Variants in SORCS2 observed in about 807,000 individuals in gnomAD.
SORCS2 encodes sortilin related VPS10 domain containing receptor 2, also known as VPS10 domain-containing receptor SorCS2.
A neutral mutation model predicts 141.6 loss-of-function variants in SORCS2; 100 were observed. The observed-to-expected ratio is 0.71, with a 90% confidence interval of 0.60 to 0.83. The LOEUF (loss-of-function observed/expected upper bound fraction) is 0.83, where lower values mean the gene tolerates loss of function less well. SORCS2 is among the 40% of genes least tolerant of loss of function. The pLI, the probability that SORCS2 is intolerant of heterozygous loss-of-function variation, is 0.00. For missense variants in SORCS2, 1,646 were observed against 1,560.2 expected (o/e 1.05, Z -0.93); for synonymous variants, 789 against 676.9 (o/e 1.17, Z -2.57).
intron 3 of SORCS2, among the ~76,000 whole-genome samples, chr4:7,612,604 G>A (rs758572265): frequency 5.3e-5 from 8 of 152,134 alleles, no homozygotes; most frequent in Admixed American, 3.9e-4. Flanking sequence ...TGGGCCCCAC[G>A]CAGTGACTCG....
Position 7,338,383 on chromosome 4 carries a change from G to A in SORCS2, c.481-57905G>A, listed in dbSNP as rs946675069. 6.7e-5 allele frequency among the ~76,000 whole-genome samples: 10 copies of A among 149,080 alleles called. No homozygotes were observed. The East Asian group carries it at 1.4e-3, about 21-fold the overall frequency. ...ATGGATGGATGGATGGATGGATGTC[G>A]GTTGGATGGATGGATGGTTGGATGT... On this transcript the variant is annotated intron_variant, in intron 1 of 26. Transcript: ENST00000507866.
rs185394026 is a variant in SORCS2, at chr4:7,220,536, A to G, written c.480+27410A>G. On this transcript the variant is annotated intron_variant, in intron 1 of 26. Transcript: ENST00000507866. ...GAGCCAGGGGCTTGCGTGATTTTCA[A>G]GCTGATTTCTGGAAATATCTAGTAA... Among the ~76,000 whole-genome samples, 19 of 152,238 alleles carry G rather than the reference A, an allele frequency of 1.2e-4. No individual in the cohort carries two copies. The East Asian group carries it at 3.5e-3, about 28-fold the overall frequency.
intron 1 of SORCS2, among the ~76,000 whole-genome samples, chr4:7,330,527 C>T (rs1227235321): frequency 6.6e-6 from 1 of 151,640 alleles, no homozygotes; most frequent in Non-Finnish European, 1.5e-5. Context: ...TCTGTGTCAC[C>T]CTGGGGCTTG....
At chr4:7,240,514 G>A (rs762341038) in intron 1 of SORCS2, among the ~76,000 whole-genome samples, 58 of 152,212 alleles carry the variant, frequency 3.8e-4, no homozygotes, top group Admixed American at 1.0e-3. Context: ...TGATTCTGCC[G>A]AACGTTTCCC....
intron 3 of SORCS2, among the ~76,000 whole-genome samples, chr4:7,555,855 T>A (rs780341715): frequency 9.2e-5 from 14 of 152,122 alleles, no homozygotes; most frequent in Non-Finnish European, 1.9e-4. Context: ...AGAAGGTCAG[T>A]GTGACAGCAG....
chr4:7,731,522 A>T (rs1471980870), intron 23 of SORCS2, among the ~76,000 whole-genome samples: 1 of 152,246 alleles, frequency 6.6e-6, no homozygotes, highest in Non-Finnish European at 1.5e-5. Flanking sequence ...CATTTTGAGC[A>T]AAAAGAAAAA....
chr4:7,534,532 G>A (rs915243102), intron 3 of SORCS2, among the ~76,000 whole-genome samples: 3 of 152,250 alleles, frequency 2.0e-5, no homozygotes, highest in Admixed American at 1.3e-4. Flanking sequence ...TTGCAAATGG[G>A]ATTAAGTGGA....
chr4:7,649,614 G>A lies in SORCS2; in HGVS notation c.814-4520G>A, dbSNP rs552194789. ...ATTAGACATGGCAGCAGGAAGGTGA[G>A]GACAGGAACCCAGGGAGGAAAAGGC... On this transcript the variant is annotated intron_variant, in intron 4 of 26. Coordinates refer to ENST00000507866, the MANE Select transcript of SORCS2 (RefSeq NM_020777.3). Among the ~76,000 whole-genome samples the A allele has an allele frequency of 2.0e-5, 3 of 152,196 alleles. No individual in the cohort carries two copies. In the South Asian group the frequency reaches 6.2e-4, roughly 32 times the overall value.
intron 19 of SORCS2, among the ~76,000 whole-genome samples, chr4:7,724,145 GTCGTGGT>G (rs201692242): frequency 8.1e-6 from 1 of 123,338 alleles, no homozygotes; most frequent in African/African-American, 3.2e-5. Flanking sequence ...GGTGGTGATG[GTCGTGGT>G]GGTGGTGGTG....
chr4:7,723,783 C>T lies in SORCS2; in HGVS notation c.2511C>T (p.Pro837=), dbSNP rs369441927. The change falls in exon 19 of 27, where the codon CCC becomes CCT. Residue 837 remains proline (P), a synonymous_variant. Coordinates refer to ENST00000507866, the MANE Select transcript of SORCS2 (RefSeq NM_020777.3). ...TGAACCTTACACTGACCGGGGAGCC[C>T]ATCCGGCACCGCTACGAGAGCCCCG... ...MYVNLTLTGE[P]IRHRYESPGI... 2.1e-4 allele frequency: 340 copies of T among 1,613,834 alleles called. 1 individual carries two copies. The highest frequency in any genetic ancestry group is 2.6e-4 in the Non-Finnish European group (309 of 1,179,908).
chr4:7,628,513 C>T lies in SORCS2; in HGVS notation c.649-9815C>T, dbSNP rs370372933. On this transcript the variant is annotated intron_variant, in intron 3 of 26. Coordinates refer to ENST00000507866, the MANE Select transcript of SORCS2 (RefSeq NM_020777.3). ...CAGCCTGGGCAAAAGAGTGAGACTC[C>T]GTCTCGAAAAAAAAAAAAAAGCTAG... Among the ~76,000 whole-genome samples, 30 of 124,904 alleles carry T rather than the reference C, an allele frequency of 2.4e-4. 1 individual carries two copies. The East Asian group carries it at 6.7e-3, about 28-fold the overall frequency. The allele number at this position is 124,904 out of a possible 152,430, so 81.9% of individuals were successfully genotyped here.
intron 8 of SORCS2, among the ~76,000 whole-genome samples, chr4:7,673,953 C>G (rs929666251): frequency 6.6e-6 from 1 of 152,230 alleles, no homozygotes. Flanking sequence ...CCTAGTCAGG[C>G]AGCAGAATGA....
intron 1 of SORCS2, among the ~76,000 whole-genome samples, chr4:7,374,301 T>C (rs551016023): frequency 6.6e-6 from 1 of 152,188 alleles, no homozygotes; most frequent in East Asian, 1.9e-4. Flanking sequence ...GGAGAGGGAC[T>C]GAGTTGGCCC....
At chr4:7,628,305 G>A (rs1037506655) in intron 3 of SORCS2, among the ~76,000 whole-genome samples, 5 of 152,090 alleles carry the variant, frequency 3.3e-5, no homozygotes, top group Admixed American at 1.3e-4. Flanking sequence ...GGCGGATCAC[G>A]AGGTCAGGAG....
intron 23 of SORCS2, among the ~76,000 whole-genome samples, chr4:7,731,261 G>C (rs1003378379): frequency 6.6e-6 from 1 of 152,180 alleles, no homozygotes; most frequent in African/African-American, 2.4e-5. Flanking sequence ...TTAAACCAAG[G>C]TGGTGAAAAG....
intron 9 of SORCS2, among the ~76,000 whole-genome samples, chr4:7,677,697 C>T (rs1365803149): frequency 2.0e-5 from 3 of 152,226 alleles, no homozygotes; most frequent in Non-Finnish European, 4.4e-5. Context: ...ACAGCAGCAG[C>T]AGAACTGTGG....
chr4:7,247,946 C>A (rs989025410), intron 1 of SORCS2, among the ~76,000 whole-genome samples: 1 of 152,244 alleles, frequency 6.6e-6, no homozygotes, highest in Non-Finnish European at 1.5e-5. Flanking sequence ...GGGATCCCCC[C>A]AAACTCCTTA....
chr4:7,310,232 C>G (rs958938034), intron 1 of SORCS2, among the ~76,000 whole-genome samples: 2 of 152,154 alleles, frequency 1.3e-5, no homozygotes, highest in Admixed American at 6.5e-5. Flanking sequence ...ATTTAATCTC[C>G]TCCACAACTC....
At chr4:7,712,946 C>T (rs907884394) in intron 15 of SORCS2, 93 bp downstream of exon 15, 47 of 1,523,752 alleles carry the variant, frequency 3.1e-5, no homozygotes, top group Non-Finnish European at 4.1e-5. Flanking sequence ...TGCAAGGCCG[C>T]AGGGCACCTC....
Sources: gnomAD v4.1 joint callset for allele counts (sites outside exome capture counted in the v4.1 genomes callset) on GRCh38, gnomAD v4.1.1 for gene constraint, MANE v1.5 for transcripts, NCBI Gene and HGNC (gene_info 2026-07-23, HGNC 2026-07-21) for gene names.